Variants in KIF6 observed in about 807,000 individuals in gnomAD.
The protein encoded by KIF6 is kinesin-like protein KIF6.
A neutral mutation model predicts 112.7 loss-of-function variants in KIF6; 106 were observed. The ratio of observed to expected loss-of-function variants is 0.94; its 90% CI spans 0.80 to 1.11. KIF6 has a LOEUF of 1.11. KIF6 is among the 50% of genes least tolerant of loss of function. KIF6 has a pLI of 0.00. For missense variants in KIF6, 929 were observed against 964.0 expected (o/e 0.96, Z 0.48); for synonymous variants, 339 against 339.9 (o/e 1.00, Z 0.03).
chr6:39,577,207 G>A (rs781021141), intron 10 of KIF6, among the ~76,000 whole-genome samples: 135 of 152,326 alleles, frequency 8.9e-4, no homozygotes, highest in Non-Finnish European at 1.5e-3. Context: ...GACTATAACA[G>A]AAACCTTGCT....
intron 3 of KIF6, among the ~76,000 whole-genome samples, chr6:39,712,952 A>G (rs1789642927): frequency 6.6e-6 from 1 of 152,242 alleles, no homozygotes; most frequent in Admixed American, 6.5e-5. Context: ...AAAGTAAAAT[A>G]ATAATTTAAA....
At position 39,596,099 on chromosome 6, in the gene KIF6, T is replaced by C. The variant is rs754103072; in HGVS notation, c.801A>G (p.Leu267=). The part of the protein sequence containing the change: ...VAKTGVGGHL[L]TEAKYINLSL... ...ACAAGTTGATATACTTGGCCTCTGTTAGAAGATGGCCCCCTACTCCAGTCT... is the reference window on the plus strand; with the variant it reads ...ACAAGTTGATATACTTGGCCTCTGTCAGAAGATGGCCCCCTACTCCAGTCT... The change falls in exon 7 of 23, where the codon CTA becomes CTG. Residue 267 remains leucine (L), a synonymous_variant. Transcript: ENST00000287152. 1 of 1,614,036 alleles carries C rather than the reference T, an allele frequency of 6.2e-7. No homozygotes were observed. Among genetic ancestry groups the C allele is most frequent in the South Asian group, 1.1e-5 (1 of 91,080 alleles).
At chr6:39,663,356 T>C (rs1433909721) in intron 3 of KIF6, among the ~76,000 whole-genome samples, 2 of 152,150 alleles carry the variant, frequency 1.3e-5, no homozygotes, top group Non-Finnish European at 2.9e-5. Context: ...TGGTTGGTGA[T>C]TGCAGATGGA....
chr6:39,391,546 A>T (rs536612647), intron 15 of KIF6, among the ~76,000 whole-genome samples: 21 of 152,276 alleles, frequency 1.4e-4, no homozygotes, highest in African/African-American at 4.8e-4. Flanking sequence ...GTCACTCCAA[A>T]TTGTCTTTAC....
intron 10 of KIF6, among the ~76,000 whole-genome samples, chr6:39,560,728 T>A (rs183182112): frequency 1.9e-3 from 294 of 152,334 alleles, no homozygotes; most frequent in Non-Finnish European, 3.3e-3. Context: ...GAATCTGTCA[T>A]TAATACATCT....
intron 13 of KIF6, among the ~76,000 whole-genome samples, chr6:39,500,144 G>A (rs905220898): frequency 7.2e-5 from 11 of 152,184 alleles, no homozygotes; most frequent in Non-Finnish European, 1.5e-4. Flanking sequence ...AAGTATAAAC[G>A]TTAATGTGTC....
intron 13 of KIF6, among the ~76,000 whole-genome samples, chr6:39,458,335 A>G (rs1489610859): frequency 6.7e-6 from 1 of 149,816 alleles, no homozygotes; most frequent in Non-Finnish European, 1.5e-5. Flanking sequence ...TTCATGCTAA[A>G]AACTCTCAAT....
chr6:39,648,217 G>T (rs1363886723), intron 3 of KIF6, among the ~76,000 whole-genome samples: 1 of 83,864 alleles, frequency 1.2e-5, no homozygotes, highest in Non-Finnish European at 2.4e-5. Context: ...AGAGACGGGG[G>T]GCGGGCGGGG....
At chr6:39,704,845 T>C (rs302593) in intron 3 of KIF6, among the ~76,000 whole-genome samples, 132,005 of 152,220 alleles carry the variant, frequency 0.87, 57,538 homozygotes, top group East Asian at 0.97. Flanking sequence ...TAGTTTCAGA[T>C]TTCTCTTAAC....
intron 13 of KIF6, among the ~76,000 whole-genome samples, chr6:39,525,212 C>T (rs1424304549): frequency 6.6e-6 from 1 of 152,034 alleles, no homozygotes; most frequent in Admixed American, 6.5e-5. Context: ...GGTATGATCT[C>T]AGCTGACTGC....
intron 3 of KIF6, among the ~76,000 whole-genome samples, chr6:39,697,109 T>C (rs1461864420): frequency 6.6e-6 from 1 of 152,194 alleles, no homozygotes; most frequent in African/African-American, 2.4e-5. Context: ...CGGAGGTTTA[T>C]CTGCCAAGTT....
At chr6:39,536,368 A>G (rs1778425673) in intron 13 of KIF6, among the ~76,000 whole-genome samples, 1 of 152,242 alleles carries the variant, frequency 6.6e-6, no homozygotes, top group Admixed American at 6.5e-5. Flanking sequence ...TGCAATAAAA[A>G]ATGATAAAGG....
chr6:39,624,238 T>C (rs939220082), intron 5 of KIF6, among the ~76,000 whole-genome samples: 13 of 152,190 alleles, frequency 8.5e-5, no homozygotes, highest in African/African-American at 3.1e-4. Context: ...GGTAAGTTAA[T>C]TGAAGAGACG....
chr6:39,666,573 G>A (rs1252074398), intron 3 of KIF6, among the ~76,000 whole-genome samples: 3 of 152,162 alleles, frequency 2.0e-5, no homozygotes, highest in Non-Finnish European at 1.5e-5. Context: ...CTCTAGTCAA[G>A]GATAATTCAC....
At chr6:39,508,987 C>A (rs796946909) in intron 13 of KIF6, among the ~76,000 whole-genome samples, 14 of 152,224 alleles carry the variant, frequency 9.2e-5, no homozygotes, top group African/African-American at 2.9e-4. Flanking sequence ...CCGACAGACA[C>A]CTCATACAGG....
intron 10 of KIF6, 38 bp downstream of exon 10, chr6:39,578,018 A>T: frequency 7.4e-7 from 1 of 1,350,448 alleles, no homozygotes; most frequent in Non-Finnish European, 1.1e-6. Flanking sequence ...ACAAACTTTC[A>T]CTGTTAAAGA....
chr6:39,496,906 G>T (rs569402383), intron 13 of KIF6, among the ~76,000 whole-genome samples: 1 of 152,146 alleles, frequency 6.6e-6, no homozygotes, highest in Non-Finnish European at 1.5e-5. Context: ...TACTTAAAAC[G>T]TCTAACTCTT....
At chr6:39,709,602 T>G (rs1360474193) in intron 3 of KIF6, among the ~76,000 whole-genome samples, 1 of 152,162 alleles carries the variant, frequency 6.6e-6, no homozygotes, top group Non-Finnish European at 1.5e-5. Flanking sequence ...ATATCACTGG[T>G]TTGGACGAAG....
chr6:39,392,563 A>C (rs925314811), intron 15 of KIF6, among the ~76,000 whole-genome samples: 4 of 152,250 alleles, frequency 2.6e-5, no homozygotes, highest in Non-Finnish European at 4.4e-5. Context: ...ATAGGTATAA[A>C]TGATACAAGA....
Sources: gnomAD v4.1 joint callset for allele counts (sites outside exome capture counted in the v4.1 genomes callset) on GRCh38, gnomAD v4.1.1 for gene constraint, MANE v1.5 for transcripts, NCBI Gene and HGNC (gene_info 2026-07-23, HGNC 2026-07-21) for gene names.